RAB11B: variants seen among roughly 807,000 people sequenced by gnomAD.
RAB11B encodes ras-related protein Rab-11B.
A neutral mutation model predicts 23.7 loss-of-function variants in RAB11B; 7 were observed. That is an observed-to-expected ratio of 0.29 (90% CI 0.17 to 0.55). RAB11B has a LOEUF of 0.55. Ranked by LOEUF, RAB11B falls within the 20% of genes least tolerant of loss-of-function variation. The pLI is 0.93. For missense variants in RAB11B, 189 were observed against 320.0 expected (o/e 0.59, Z 3.12); for synonymous variants, 138 against 132.0 (o/e 1.05, Z -0.31).
rs1971456635 is a variant in RAB11B at position 8,403,679 on chromosome 19, C to T, written c.*121C>T. The T allele has an allele frequency of 7.2e-6, 10 of 1,381,480 alleles. No individual in the cohort carries two copies. The highest frequency in any genetic ancestry group is 1.4e-5 in the African/African-American group (1 of 69,300). 85.6% of individuals were successfully genotyped at this position (1,381,480 alleles called of 1,614,324 possible). On this transcript the variant is annotated 3_prime_UTR_variant, in exon 5 of 5. Coordinates refer to ENST00000328024, the MANE Select transcript of RAB11B (RefSeq NM_004218.4). ...GTTCCAGCCCTCCCAGTGAGCTCTG[C>T]ACGGCCGGGCCGGGGCCCAGGAAGG...
At chr19:8,393,676 G>A (rs1256962114) in intron 1 of RAB11B, among the ~76,000 whole-genome samples, 1 of 152,206 alleles carries the variant, frequency 6.6e-6, no homozygotes, top group Non-Finnish European at 1.5e-5. Flanking sequence ...GACAAGAGTG[G>A]CCCCCAGTGC....
chr19:8,402,131 C>T lies in RAB11B; in HGVS notation c.282C>T (p.Ala94=). Reference sequence around the variant, plus strand: ...GCGCCCTGCTGGTGTACGACATCGCCAAGCACCTGACCTATGAGAACGTGG... The same window carrying T: ...GCGCCCTGCTGGTGTACGACATCGCTAAGCACCTGACCTATGAGAACGTGG... The part of the protein sequence containing the change: ...AVGALLVYDI[A]KHLTYENVER... Residue 94 remains alanine, a synonymous_variant, in exon 3 of 5, where the codon GCC becomes GCT. Transcript: ENST00000328024. 6.2e-7 allele frequency: 1 copy of T among 1,608,778 alleles called. No individual in the cohort carries two copies. Among genetic ancestry groups the T allele is most frequent in the South Asian group, 1.1e-5 (1 of 89,890 alleles).
intron 1 of RAB11B, among the ~76,000 whole-genome samples, chr19:8,394,352 C>T (rs986733084): frequency 1.3e-5 from 2 of 152,092 alleles, no homozygotes; most frequent in African/African-American, 4.8e-5. Flanking sequence ...GACGGGGTTT[C>T]GCCATGTTGA....
chr19:8,400,180 G>A, intron 2 of RAB11B, 122 bp downstream of exon 2: 1 of 1,223,648 alleles, frequency 8.2e-7, no homozygotes. Flanking sequence ...CCAAGACCAG[G>A]GAGTGAGGCT....
At chr19:8,399,245 G>A (rs961729623) in intron 1 of RAB11B, among the ~76,000 whole-genome samples, 4 of 152,028 alleles carry the variant, frequency 2.6e-5, no homozygotes, top group Non-Finnish European at 5.9e-5. Flanking sequence ...GAGCCACCGC[G>A]CCCGGGTACT....
At chr19:8,393,586 C>A (rs963315088) in intron 1 of RAB11B, among the ~76,000 whole-genome samples, 13 of 152,332 alleles carry the variant, frequency 8.5e-5, no homozygotes, top group South Asian at 6.2e-4. Context: ...GTTTGGGGAC[C>A]CAAACATACC....
rs1568229404 is a variant in RAB11B at position 8,402,501 on chromosome 19, CT to C, written c.449del (p.Phe150SerfsTer12). ...RAFAEKNNLS[F>X]IETSALDSTN... Reference sequence around the variant, plus strand: ...TTGTTCCAGAAAAGAACAACTTGTCCTTCATCGAGACCTCAGCCTTGGATTC... The same window carrying C: ...TTGTTCCAGAAAAGAACAACTTGTCCTCATCGAGACCTCAGCCTTGGATTC... On this transcript the variant is annotated frameshift_variant, in exon 4 of 5. Coordinates refer to ENST00000328024, the MANE Select transcript of RAB11B (RefSeq NM_004218.4). LOFTEE classifies it high-confidence loss of function. 1 of 1,613,868 alleles carries C rather than the reference CT, an allele frequency of 6.2e-7. No individual in the cohort carries two copies. Among genetic ancestry groups the C allele is most frequent in the Non-Finnish European group, 8.5e-7 (1 of 1,179,738 alleles).
chr19:8,404,149 C>CAAACAAAA lies in RAB11B; in HGVS notation c.*591_*592insAAACAAAA, dbSNP rs1971462110. ...CTCCCCTCCCCTCTCCTGCACGCAACGCGCCCTCTCGGCCCTCCCTGTCCC... is the reference window on the plus strand; with the variant it reads ...CTCCCCTCCCCTCTCCTGCACGCAACAAACAAAAGCGCCCTCTCGGCCCTCCCTGTCCC... On this transcript the variant is annotated 3_prime_UTR_variant, in exon 5 of 5. Transcript: ENST00000328024. 2.0e-5 allele frequency: 3 copies of CAAACAAAA among 148,980 alleles called. No homozygotes were observed. Among genetic ancestry groups the CAAACAAAA allele is most frequent in the Non-Finnish European group, 4.4e-5 (3 of 67,448 alleles). 9.2% of individuals were successfully genotyped at this position (148,980 alleles called of 1,614,324 possible).
intron 1 of RAB11B, among the ~76,000 whole-genome samples, chr19:8,398,459 G>A (rs998453455): frequency 3.4e-4 from 51 of 152,182 alleles, no homozygotes; most frequent in African/African-American, 1.1e-3. Context: ...ACTGCCACAC[G>A]GACTGCCCCT....
rs2230875 is a variant in RAB11B, at chr19:8,402,107, C to T, written c.258C>T (p.Gly86=). The change falls in exon 3 of 5, where the codon GGC becomes GGT. Residue 86 remains glycine, a synonymous_variant. Coordinates refer to ENST00000328024, the MANE Select transcript of RAB11B (RefSeq NM_004218.4). ...ITSAYYRGAV[G]ALLVYDIAKH... Reference sequence around the variant, plus strand: ...GCAGGTACTACCGTGGTGCAGTGGGCGCCCTGCTGGTGTACGACATCGCCA... The same window carrying T: ...GCAGGTACTACCGTGGTGCAGTGGGTGCCCTGCTGGTGTACGACATCGCCA... 2.9e-3 allele frequency: 4,621 copies of T among 1,602,404 alleles called. 124 individuals are homozygous for T. In the African/African-American group the frequency reaches 0.053, roughly 18 times the overall value.
intron 4 of RAB11B, 100 bp downstream of exon 4, chr19:8,402,665 CT>C (rs1555691046): frequency 5.2e-5 from 52 of 1,001,992 alleles, no homozygotes; most frequent in Admixed American, 3.2e-4. Context: ...TTGTTTTTTT[CT>C]TTTTTTTGTC....
In RAB11B at chr19:8,396,696, G is replaced by A. The variant is rs1971398924; in HGVS notation, c.41-3167G>A. Among the ~76,000 whole-genome samples the A allele has an allele frequency of 7.0e-6, 1 of 143,230 alleles. No homozygotes were observed. Among genetic ancestry groups the A allele is most frequent in the Non-Finnish European group, 1.5e-5 (1 of 65,638 alleles). 94.0% of individuals were successfully genotyped at this position (143,230 alleles called of 152,430 possible). A position where few individuals can be genotyped will look rare whatever the true frequency, so the allele number is the denominator to read the frequency against. The stretch of plus-strand genomic sequence containing the variant: ...AACAGCATGGAGGCCTGTGTGGCTG[G>A]AGCAGAGTGAGCCGGGGGGGGGGCG... On this transcript the variant is annotated intron_variant, in intron 1 of 4. Transcript: ENST00000328024. The surrounding 1 kb of genome is among the most constrained non-coding windows in gnomAD (Gnocchi z 5.0).
Position 8,390,420 on chromosome 19 carries a change from G to A in RAB11B, c.4G>A (p.Gly2Arg), listed in dbSNP as rs1358098381. The A allele has an allele frequency of 6.5e-7, 1 of 1,528,996 alleles. No individual in the cohort carries two copies. The highest frequency in any genetic ancestry group is 2.7e-5 in the East Asian group (1 of 37,160). The allele number at this position is 1,528,996 out of a possible 1,614,324, so 94.7% of individuals were successfully genotyped here. M[G>R]TRDDEYDYLF... is the part of the protein sequence containing the mutation. ...TCCCGCCGGAAGCGCCAGGACAATGGGGACCCGGGACGACGAGTACGACTA... is the reference window on the plus strand; with the variant it reads ...TCCCGCCGGAAGCGCCAGGACAATGAGGACCCGGGACGACGAGTACGACTA... The change falls in exon 1 of 5, where the codon GGG (glycine) becomes AGG (arginine). Residue 2 changes from glycine to arginine, a missense_variant. Gly to Arg is a moderately radical substitution (Grantham distance 125). This residue lies in a region of RAB11B where 20 missense variants were observed against 16.2 expected (regional missense o/e 1.24). Transcript: ENST00000328024.
rs1023134067 is a variant in RAB11B, at chr19:8,396,794, C to T, written c.41-3069C>T. ...TTTCCCCTGCGGAAGGTGGGGGCCACGGAGGGTTGTCTGCAGAGGAGGGAG... is the reference window on the plus strand; with the variant it reads ...TTTCCCCTGCGGAAGGTGGGGGCCATGGAGGGTTGTCTGCAGAGGAGGGAG... On this transcript the variant is annotated intron_variant, in intron 1 of 4. Coordinates refer to ENST00000328024, the MANE Select transcript of RAB11B (RefSeq NM_004218.4). This position sits in a 1 kb window ranked among gnomAD's most constrained non-coding sequence, Gnocchi z 5.0. Among the ~76,000 whole-genome samples the T allele has an allele frequency of 2.0e-5, 3 of 151,204 alleles. No individual in the cohort carries two copies. Among genetic ancestry groups the T allele is most frequent in the East Asian group, 2.0e-4 (1 of 5,122 alleles).
intron 1 of RAB11B, among the ~76,000 whole-genome samples, chr19:8,390,978 C>G (rs1211961869): frequency 3.0e-5 from 4 of 134,578 alleles, no homozygotes; most frequent in Non-Finnish European, 3.2e-5. Context: ...GCAATGGGGG[C>G]TGGGCCGAGA....
intron 2 of RAB11B, chr19:8,400,306 C>T (rs931535672): frequency 6.0e-5 from 33 of 548,854 alleles, no homozygotes; most frequent in Non-Finnish European, 9.1e-5. Context: ...CAGGCCACTC[C>T]GCCTTGCCGC....
At chr19:8,401,676 C>T (rs1045831059) in intron 2 of RAB11B, among the ~76,000 whole-genome samples, 2 of 151,668 alleles carry the variant, frequency 1.3e-5, no homozygotes, top group African/African-American at 4.8e-5. Flanking sequence ...TGAGCCACGA[C>T]CCCCGGCCAA....
At chr19:8,394,469 T>G (rs1463369028) in intron 1 of RAB11B, among the ~76,000 whole-genome samples, 1 of 152,220 alleles carries the variant, frequency 6.6e-6, no homozygotes, top group African/African-American at 2.4e-5. Flanking sequence ...ATTGATCTGT[T>G]CAGTGGCCAT....
intron 1 of RAB11B, among the ~76,000 whole-genome samples, chr19:8,392,991 ATTT>A (rs34749882): frequency 3.4e-4 from 45 of 130,544 alleles, no homozygotes; most frequent in Non-Finnish European, 3.2e-4. Flanking sequence ...TGGCCTCTGC[ATTT>A]TTTTTTTTTT....
Sources: gnomAD v4.1 joint callset for allele counts (sites outside exome capture counted in the v4.1 genomes callset) on GRCh38, gnomAD v4.1.1 for gene constraint, gnomAD v4.1.1 regional missense constraint, Gnocchi (gnomAD v3.1) non-coding constraint, MANE v1.5 for transcripts, NCBI Gene and HGNC (gene_info 2026-07-23, HGNC 2026-07-21) for gene names.